Variants in CNBD1 observed in about 807,000 individuals in gnomAD.
CNBD1 encodes the protein cyclic nucleotide-binding domain-containing protein 1.
Under a neutral mutation model 54.4 loss-of-function variants are expected in CNBD1, and 71 were observed. The observed-to-expected ratio is 1.30, with a 90% CI of 1.08 to 1.59. CNBD1 has a LOEUF of 1.59. CNBD1 is among the 40% of genes most tolerant of loss of function. The pLI is 0.00. For missense variants in CNBD1, 659 were observed against 518.0 expected, an observed-to-expected ratio of 1.27 and a Z score of -2.64; for synonymous variants, 182 against 170.7, an observed-to-expected ratio of 1.07 and a Z score of -0.51.
intron 8 of CNBD1, among the ~76,000 whole-genome samples, chr8:87,337,801 G>T (rs954669194): frequency 6.6e-6 from 1 of 152,190 alleles, no homozygotes; most frequent in African/African-American, 2.4e-5. Flanking sequence ...CAGCCACCTA[G>T]TCAGTTCTAA....
At chr8:87,195,561 T>C (rs946451646) in intron 4 of CNBD1, among the ~76,000 whole-genome samples, 26 of 150,004 alleles carry the variant, frequency 1.7e-4, no homozygotes, top group Middle Eastern at 3.5e-3. Context: ...GTTTAAATAT[T>C]GTTTTTTTTT....
intron 8 of CNBD1, among the ~76,000 whole-genome samples, chr8:87,349,836 G>A (rs914998657): frequency 8.5e-5 from 13 of 152,284 alleles, no homozygotes; most frequent in Non-Finnish European, 1.3e-4. Flanking sequence ...ATGAGACTGC[G>A]TCATAGATTT....
chr8:87,036,142 T>G (rs538029484), intron 4 of CNBD1, among the ~76,000 whole-genome samples: 1 of 152,344 alleles, frequency 6.6e-6, no homozygotes, highest in Admixed American at 6.5e-5. Flanking sequence ...TTTGCAATTC[T>G]AGACATTTTC....
At chr8:87,087,175 CAAAA>C (rs59439868) in intron 4 of CNBD1, among the ~76,000 whole-genome samples, 1 of 113,530 alleles carries the variant, frequency 8.8e-6, no homozygotes, top group African/African-American at 3.3e-5. Context: ...ATGTATGAGG[CAAAA>C]AAAAAAAAAA....
chr8:87,339,177 T>A (rs948264952), intron 8 of CNBD1, among the ~76,000 whole-genome samples: 2 of 152,192 alleles, frequency 1.3e-5, no homozygotes, highest in Non-Finnish European at 2.9e-5. Flanking sequence ...TTCAAATTGT[T>A]CTTCCCCTCC....
At chr8:87,358,606 A>G (rs1474539565) in intron 10 of CNBD1, among the ~76,000 whole-genome samples, 1 of 152,180 alleles carries the variant, frequency 6.6e-6, no homozygotes. Flanking sequence ...AATATACAAG[A>G]GGCGATCTAT....
rs551432892 is a variant in CNBD1, at chr8:86,963,585, C to T, written c.431+23831C>T. ...AGGTGAAGCTGTGGGGCCAAGTCCT[C>T]CTCAAACAAGGGAGAGAGAAAGGGA... On this transcript the variant is annotated intron_variant, in intron 4 of 10. Coordinates refer to ENST00000518476, the MANE Select transcript of CNBD1 (RefSeq NM_173538.3). 2.8e-4 allele frequency among the ~76,000 whole-genome samples: 42 copies of T among 152,284 alleles called. No individual in the cohort carries two copies. In the South Asian group the frequency reaches 8.1e-3, roughly 29 times the overall value.
chr8:86,868,741 T>C (rs981417922), intron 1 of CNBD1, among the ~76,000 whole-genome samples: 1 of 152,186 alleles, frequency 6.6e-6, no homozygotes, highest in African/African-American at 2.4e-5. Flanking sequence ...CTCTATGTCT[T>C]CGGTGGACAG....
chr8:87,005,369 CAA>C (rs923497862), intron 4 of CNBD1, among the ~76,000 whole-genome samples: 5 of 125,578 alleles, frequency 4.0e-5, no homozygotes, highest in Admixed American at 1.6e-4. Context: ...GACTCCGTCT[CAA>C]AAAAAAAAAA....
rs1812685187 is a variant in CNBD1, at chr8:87,155,048, T to C, written c.432-50945T>C. ...TCCAGGTGGGAAGATTTGCTCTAGT[T>C]CAGCACCACCTGGGTCTGGGAGGGC... On this transcript the variant is annotated intron_variant, in intron 4 of 10. Transcript: ENST00000518476. Among the ~76,000 whole-genome samples the C allele has an allele frequency of 5.3e-5, 8 of 152,264 alleles. No individual in the cohort carries two copies. In the South Asian group the frequency reaches 1.7e-3, roughly 32 times the overall value.
intron 2 of CNBD1, among the ~76,000 whole-genome samples, chr8:87,400,543 T>G (rs1807541586): frequency 6.6e-6 from 1 of 151,956 alleles, no homozygotes; most frequent in Non-Finnish European, 1.5e-5. Flanking sequence ...TCAATAAAAT[T>G]TTTCAAGATA....
chr8:87,243,751 A>G (rs1465609135), intron 6 of CNBD1, among the ~76,000 whole-genome samples: 6 of 152,176 alleles, frequency 3.9e-5, no homozygotes, highest in Non-Finnish European at 8.8e-5. Context: ...ACAAAACAGG[A>G]GTCACAATAA....
chr8:87,035,625 T>C (rs1215061653), intron 4 of CNBD1, among the ~76,000 whole-genome samples: 1 of 152,218 alleles, frequency 6.6e-6, no homozygotes, highest in Non-Finnish European at 1.5e-5. Flanking sequence ...TTTTATTCTG[T>C]GTTTCTAAAT....
chr8:87,070,403 G>T (rs7814791), intron 4 of CNBD1, among the ~76,000 whole-genome samples: 1,703 of 151,878 alleles, frequency 0.011, 36 homozygotes, highest in African/African-American at 0.035. Context: ...TAAAATACAC[G>T]GATTGTTAAT....
At position 87,128,966 on chromosome 8, in the gene CNBD1, AGTCCCAGCT is replaced by A. The variant is rs925165591; in HGVS notation, c.432-77026_432-77018del. On this transcript the variant is annotated intron_variant, in intron 4 of 10. Coordinates refer to ENST00000518476, the MANE Select transcript of CNBD1 (RefSeq NM_173538.3). ...GCCGGGATTGGTGGCATGCACCTGT[AGTCCCAGCT>A]ACTCAGGAGGCTTGAGCCCGGGAGA... 2.0e-5 allele frequency among the ~76,000 whole-genome samples: 3 copies of A among 147,470 alleles called. No homozygotes were observed. In the Admixed American group the frequency reaches 2.1e-4, roughly 10 times the overall value.
chr8:87,006,554 T>G (rs1009559201), intron 4 of CNBD1, among the ~76,000 whole-genome samples: 1 of 151,986 alleles, frequency 6.6e-6, no homozygotes, highest in Non-Finnish European at 1.5e-5. Flanking sequence ...GAAGGTGAAG[T>G]GGGAGTAGGC....
At chr8:87,308,305 G>A (rs538107822) in intron 8 of CNBD1, among the ~76,000 whole-genome samples, 2 of 151,988 alleles carry the variant, frequency 1.3e-5, no homozygotes, top group Non-Finnish European at 2.9e-5. Flanking sequence ...TGTGTCACTT[G>A]CAATTTTTAC....
intron 4 of CNBD1, among the ~76,000 whole-genome samples, chr8:87,084,939 T>G (rs1811067984): frequency 6.6e-6 from 1 of 152,222 alleles, no homozygotes. Flanking sequence ...TCTCCCAAAG[T>G]GCTGGATTAC....
In CNBD1 at chr8:87,369,725, C is replaced by CT. The variant is rs528374656; in HGVS notation, c.1304-12885dup. On this transcript the variant is annotated intron_variant, in intron 10 of 10. Coordinates refer to ENST00000518476, the MANE Select transcript of CNBD1 (RefSeq NM_173538.3). ...TTTGTCACTTTCCTAGTGCTGCTTT[C>CT]TTTTTTTTTTATTATTATACTTTAA... 3.1e-4 allele frequency among the ~76,000 whole-genome samples: 46 copies of CT among 149,886 alleles called. 1 individual carries two copies. The highest frequency in any genetic ancestry group is 6.7e-4 in the Admixed American group (10 of 14,986).
Sources: gnomAD v4.1 joint callset for allele counts (sites outside exome capture counted in the v4.1 genomes callset) on GRCh38, gnomAD v4.1.1 for gene constraint, MANE v1.5 for transcripts, NCBI Gene and HGNC (gene_info 2026-07-23, HGNC 2026-07-21) for gene names.